The following SLC35D4 variants were observed in gnomAD, a reference collection of about 807,000 sequenced individuals.
SLC35D4 encodes solute carrier family 35 member D4, also known as UDP-N-acetylglucosamine transporter SLC35D4.
At chr18:23,331,502 G>T in the SLC35D4 span, 2 of 152,222 alleles carry the variant, frequency 1.3e-5, no homozygotes, top group Admixed American at 1.3e-4. Context: ...AAACAGGAGG[G>T]CAGGTTCAGC....
chr18:23,275,760 G>C, the SLC35D4 span, among the ~76,000 whole-genome samples: 1 of 152,296 alleles, frequency 6.6e-6, no homozygotes, highest in Middle Eastern at 3.4e-3. Context: ...GGGTGTTCTA[G>C]AAGGTGTAGC....
the SLC35D4 span, among the ~76,000 whole-genome samples, chr18:23,271,086 G>A: frequency 6.6e-6 from 1 of 152,142 alleles, no homozygotes; most frequent in African/African-American, 2.4e-5. Flanking sequence ...GAGACCCAGT[G>A]GCAGATAACT....
the SLC35D4 span, among the ~76,000 whole-genome samples, chr18:23,247,983 CCT>C: frequency 6.6e-6 from 1 of 152,358 alleles, no homozygotes; most frequent in East Asian, 1.9e-4. Context: ...TTTTTCCCCG[CCT>C]CTCTGTCAGG....
At chr18:23,255,761 G>GTATTGCCCAGGC in the SLC35D4 span, among the ~76,000 whole-genome samples, 1 of 151,856 alleles carries the variant, frequency 6.6e-6, no homozygotes, top group Non-Finnish European at 1.5e-5. Flanking sequence ...AGGTCTTGCT[G>GTATTGCCCAGGC]TATTGCCCAG....
At chr18:23,436,184 C>T in the SLC35D4 span, among the ~76,000 whole-genome samples, 17 of 151,814 alleles carry the variant, frequency 1.1e-4, no homozygotes, top group African/African-American at 2.9e-4. Context: ...CCTGCCACCA[C>T]GCCTGGCTAA....
At chr18:23,350,654 G>T in the SLC35D4 span, among the ~76,000 whole-genome samples, 2 of 152,080 alleles carry the variant, frequency 1.3e-5, no homozygotes, top group Non-Finnish European at 2.9e-5. Flanking sequence ...TCCACTGCTT[G>T]TTCCAAAGAG....
the SLC35D4 span, chr18:23,437,873 C>CT: frequency 6.2e-7 from 1 of 1,603,034 alleles, no homozygotes; most frequent in Non-Finnish European, 8.5e-7. Context: ...GTCCCCTTCT[C>CT]GGGGATCCAC....
chr18:23,408,148 G>GACACAC, the SLC35D4 span, among the ~76,000 whole-genome samples: 82 of 136,318 alleles, frequency 6.0e-4, no homozygotes, highest in Middle Eastern at 3.6e-3. Context: ...ACTGGCCTGA[G>GACACAC]ACACACACAC....
the SLC35D4 span, among the ~76,000 whole-genome samples, chr18:23,390,705 C>A: frequency 6.6e-6 from 1 of 152,202 alleles, no homozygotes; most frequent in Non-Finnish European, 1.5e-5. Context: ...CGGCTTCGGT[C>A]ACTCTACAGA....
chr18:23,347,448 A>G, the SLC35D4 span, among the ~76,000 whole-genome samples: 1 of 151,876 alleles, frequency 6.6e-6, no homozygotes, highest in Non-Finnish European at 1.5e-5. Flanking sequence ...TCTCTGAGAC[A>G]GGGTCTCACT....
chr18:23,365,067 C>T, the SLC35D4 span, among the ~76,000 whole-genome samples: 1,028 of 152,148 alleles, frequency 6.8e-3, 12 homozygotes, highest in African/African-American at 0.024. Context: ...GAACCAACTC[C>T]TTCACTTAAT....
chr18:23,252,211 G>A, the SLC35D4 span, among the ~76,000 whole-genome samples: 1 of 152,222 alleles, frequency 6.6e-6, no homozygotes, highest in Non-Finnish European at 1.5e-5. Flanking sequence ...CCAGGAGCTG[G>A]AGGGAGTGGA....
the SLC35D4 span, among the ~76,000 whole-genome samples, chr18:23,283,158 T>A: frequency 6.6e-6 from 1 of 151,730 alleles, no homozygotes; most frequent in Non-Finnish European, 1.5e-5. Context: ...AAAAAATAAT[T>A]CGGGGCAAGT....
chr18:23,414,802 C>G, the SLC35D4 span, among the ~76,000 whole-genome samples: 1 of 151,654 alleles, frequency 6.6e-6, no homozygotes, highest in Non-Finnish European at 1.5e-5. Flanking sequence ...ATAGCAAGAT[C>G]CTGTCTCTAA....
chr18:23,248,075 C>T, the SLC35D4 span, among the ~76,000 whole-genome samples: 1 of 152,240 alleles, frequency 6.6e-6, no homozygotes, highest in African/African-American at 2.4e-5. Context: ...CCGCAAGACC[C>T]GGGCCAGAGT....
chr18:23,359,112 C>A, the SLC35D4 span, among the ~76,000 whole-genome samples: 2 of 152,132 alleles, frequency 1.3e-5, no homozygotes, highest in African/African-American at 4.8e-5. Flanking sequence ...CAAGGCTGGG[C>A]GCGGTGGCTG....
At chr18:23,363,555 T>C in the SLC35D4 span, among the ~76,000 whole-genome samples, 2 of 150,748 alleles carry the variant, frequency 1.3e-5, no homozygotes, top group African/African-American at 4.9e-5. Flanking sequence ...TTTGTATTTT[T>C]AGTAGAGACG....
At chr18:23,394,715 TAATCCC>T in the SLC35D4 span, among the ~76,000 whole-genome samples, 1 of 152,166 alleles carries the variant, frequency 6.6e-6, no homozygotes, top group Non-Finnish European at 1.5e-5. Context: ...CTCATGCCTG[TAATCCC>T]AGCACTTTGG....
At chr18:23,394,983 CAAAAAAAAAA>C in the SLC35D4 span, among the ~76,000 whole-genome samples, 1 of 54,460 alleles carries the variant, frequency 1.8e-5, no homozygotes, top group African/African-American at 8.6e-5. Flanking sequence ...AACTCCATCT[CAAAAAAAAAA>C]AAAAAAAAAA....
Sources: allele counts gnomAD v4.1 joint callset (sites outside exome capture counted in the v4.1 genomes callset), GRCh38; gene constraint gnomAD v4.1.1; transcripts MANE v1.5; gene names NCBI Gene and HGNC (gene_info 2026-07-23, HGNC 2026-07-21).